Variants in CFAP77 observed in about 807,000 individuals in gnomAD.
CFAP77 encodes the protein cilia and flagella associated protein 77.
In CFAP77, 25 loss-of-function variants were observed where a neutral mutation model predicts 31.1. The ratio of observed to expected loss-of-function variants is 0.80; its 90% CI spans 0.59 to 1.12. The LOEUF (loss-of-function observed/expected upper bound fraction) is 1.12. Ranked by LOEUF, CFAP77 falls within the 50% of genes most tolerant of loss-of-function variation. The pLI is 0.00. For missense variants in CFAP77, 377 were observed against 397.3 expected (o/e 0.95, Z 0.44); for synonymous variants, 151 against 159.9 (o/e 0.94, Z 0.42).
At chr9:132,488,829 G>A (rs971498412) in intron 1 of CFAP77, among the ~76,000 whole-genome samples, 4 of 152,312 alleles carry the variant, frequency 2.6e-5, no homozygotes, top group East Asian at 1.9e-4. Context: ...GGAGGAGCCC[G>A]GAGAATCCCA....
chr9:132,473,244 T>C (rs1445635732), intron 1 of CFAP77, among the ~76,000 whole-genome samples: 6 of 152,074 alleles, frequency 3.9e-5, no homozygotes, highest in Non-Finnish European at 8.8e-5. Context: ...CCAACGTCAT[T>C]CAGGATCAAC....
rs1312591936 is a variant in CFAP77 at position 132,572,480 on chromosome 9, C to A, written c.825C>A (p.Thr275=). ...HREECAVRQG[T]LRMGNYTHP ...AAGAGTGTGCCGTGCGCCAGGGGAC[C>A]CTGCGGATGGGCAACTACACCCACC... The change falls in exon 6 of 6, where the codon ACC becomes ACA. Residue 275 remains threonine, a synonymous_variant. Transcript: ENST00000393216. 2.5e-6 allele frequency: 4 copies of A among 1,609,130 alleles called. No individual in the cohort carries two copies. The highest frequency in any genetic ancestry group is 3.4e-6 in the Non-Finnish European group (4 of 1,179,856).
intron 5 of CFAP77, among the ~76,000 whole-genome samples, chr9:132,571,352 C>G (rs1219392824): frequency 6.6e-6 from 1 of 152,154 alleles, no homozygotes; most frequent in Non-Finnish European, 1.5e-5. Flanking sequence ...AATCCCAACC[C>G]ATCCTTCGAG....
Position 132,424,272 on chromosome 9 carries a change from G to T in CFAP77, c.195+13806G>T, listed in dbSNP as rs970351341. ...ACAAAAATTAGCCGGCATGGCCTCG[G>T]GTGCCTGTAGTCCCAGCTACTCAGG... On this transcript the variant is annotated intron_variant, in intron 1 of 5. Coordinates refer to ENST00000393216, the MANE Select transcript of CFAP77 (RefSeq NM_001282957.2). This position sits in a 1 kb window ranked among gnomAD's most constrained non-coding sequence, Gnocchi z 4.1. Among the ~76,000 whole-genome samples the T allele has an allele frequency of 2.6e-5, 4 of 152,100 alleles. No individual in the cohort carries two copies. The highest frequency in any genetic ancestry group is 9.7e-5 in the African/African-American group (4 of 41,410).
At chr9:132,448,361 G>A (rs144033799) in intron 1 of CFAP77, among the ~76,000 whole-genome samples, 76 of 152,260 alleles carry the variant, frequency 5.0e-4, no homozygotes, top group African/African-American at 1.5e-3. Context: ...CTTCCCTCAT[G>A]CACCATAGCA....
chr9:132,498,876 G>T lies in CFAP77; in HGVS notation c.295+82G>T. On this transcript the variant is annotated intron_variant, in intron 2 of 5. Transcript: ENST00000393216. The surrounding 1 kb of genome is among the most constrained non-coding windows in gnomAD (Gnocchi z 4.2). ...CTTCACAGACCCCTTGACCTAGCTCGCTGCTTGGCAGCTGGTTGGGTGCTG... is the reference window on the plus strand; with the variant it reads ...CTTCACAGACCCCTTGACCTAGCTCTCTGCTTGGCAGCTGGTTGGGTGCTG... 1.0e-6 allele frequency: 1 copy of T among 1,002,130 alleles called. No homozygotes were observed. The allele number at this position is 1,002,130 out of a possible 1,614,324, so 62.1% of individuals were successfully genotyped here. A position where few individuals can be genotyped will look rare whatever the true frequency, so the allele number is the denominator to read the frequency against.
At chr9:132,478,149 C>G (rs1423772815) in intron 1 of CFAP77, among the ~76,000 whole-genome samples, 2 of 151,928 alleles carry the variant, frequency 1.3e-5, no homozygotes, top group African/African-American at 4.8e-5. Flanking sequence ...GGAGGTGACT[C>G]GATCATGGGG....
Position 132,491,416 on chromosome 9 carries a change from G to A in CFAP77, c.196-7279G>A, listed in dbSNP as rs562781287. Among the ~76,000 whole-genome samples the A allele has an allele frequency of 2.6e-5, 4 of 152,296 alleles. No individual in the cohort carries two copies. In the South Asian group the frequency reaches 6.2e-4, roughly 24 times the overall value. ...CGGGAGGTGGAGGTTGCAGTGAGCCGAGATTGTGCCATTGCACTCCAGCCT... is the reference window on the plus strand; with the variant it reads ...CGGGAGGTGGAGGTTGCAGTGAGCCAAGATTGTGCCATTGCACTCCAGCCT... On this transcript the variant is annotated intron_variant, in intron 1 of 5. Transcript: ENST00000393216.
intron 3 of CFAP77, among the ~76,000 whole-genome samples, chr9:132,506,448 C>T (rs902695340): frequency 3.3e-5 from 5 of 151,930 alleles, no homozygotes; most frequent in African/African-American, 9.7e-5. Flanking sequence ...TCAGGGATGG[C>T]GGGGAGGGGA....
intron 5 of CFAP77, among the ~76,000 whole-genome samples, chr9:132,549,248 C>CA (rs1449588224): frequency 6.6e-6 from 1 of 152,220 alleles, no homozygotes; most frequent in East Asian, 1.9e-4. Context: ...CCGACCCCCA[C>CA]AAAGGTGTAT....
intron 3 of CFAP77, among the ~76,000 whole-genome samples, chr9:132,526,680 C>A (rs1491003688): frequency 7.7e-6 from 1 of 130,238 alleles, no homozygotes; most frequent in Non-Finnish European, 1.7e-5. Context: ...ATATCACCAC[C>A]GATCCCACAG....
In CFAP77 at chr9:132,537,595, C is replaced by G. The variant is rs1194927156; in HGVS notation, c.525-6C>G. On this transcript the variant is annotated splice_polypyrimidine_tract_variant and splice_region_variant and intron_variant, in intron 3 of 5. Transcript: ENST00000393216. ...CTCAAGCTCTGTCTGGACTTCTTCCCTCCAGGCCTTCCACACCCTTCTTTG... is the reference window on the plus strand; with the variant it reads ...CTCAAGCTCTGTCTGGACTTCTTCCGTCCAGGCCTTCCACACCCTTCTTTG... 1 of 1,608,682 alleles carries G rather than the reference C, an allele frequency of 6.2e-7. No individual in the cohort carries two copies. Among genetic ancestry groups the G allele is most frequent in the Admixed American group, 1.7e-5 (1 of 59,470 alleles).
intron 3 of CFAP77, among the ~76,000 whole-genome samples, chr9:132,512,759 C>T (rs542460428): frequency 6.6e-6 from 1 of 152,236 alleles, no homozygotes; most frequent in African/African-American, 2.4e-5. Flanking sequence ...CCAGCCTGGC[C>T]AACATGGCGA....
At chr9:132,410,807 G>A (rs1443793762) in intron 1 of CFAP77, among the ~76,000 whole-genome samples, 3 of 152,212 alleles carry the variant, frequency 2.0e-5, no homozygotes, top group African/African-American at 7.2e-5. Flanking sequence ...GAACCCACAG[G>A]GTGACAGATA....
intron 3 of CFAP77, among the ~76,000 whole-genome samples, chr9:132,502,590 T>A (rs1473737747): frequency 6.6e-6 from 1 of 152,230 alleles, no homozygotes; most frequent in East Asian, 1.9e-4. Flanking sequence ...TTTGGCTTTT[T>A]GTGTCTGGCT....
At chr9:132,551,877 T>C (rs1451550346) in intron 5 of CFAP77, among the ~76,000 whole-genome samples, 1 of 152,146 alleles carries the variant, frequency 6.6e-6, no homozygotes, top group Non-Finnish European at 1.5e-5. Context: ...GGAAGGAAAG[T>C]GCAGGGCGGT....
intron 1 of CFAP77, among the ~76,000 whole-genome samples, chr9:132,468,811 G>GCA (rs1851202327): frequency 7.8e-6 from 1 of 127,702 alleles, no homozygotes; most frequent in African/African-American, 2.7e-5. Context: ...ACACACACAC[G>GCA]CACGCACACA....
chr9:132,442,757 G>C (rs534946078), intron 1 of CFAP77, among the ~76,000 whole-genome samples: 1 of 151,462 alleles, frequency 6.6e-6, no homozygotes, highest in Non-Finnish European at 1.5e-5. Context: ...GCCCAGTCTG[G>C]TCTTAAACTC....
intron 4 of CFAP77, among the ~76,000 whole-genome samples, chr9:132,540,627 A>G (rs531747712): frequency 2.0e-5 from 3 of 152,362 alleles, no homozygotes; most frequent in Admixed American, 6.5e-5. Flanking sequence ...AGGCCCAAAG[A>G]AATGGTTAAA....
Sources: allele counts gnomAD v4.1 joint callset (sites outside exome capture counted in the v4.1 genomes callset), GRCh38; gene constraint gnomAD v4.1.1; non-coding constraint Gnocchi (gnomAD v3.1); transcripts MANE v1.5; gene names NCBI Gene and HGNC (gene_info 2026-07-23, HGNC 2026-07-21).